RASEF: variants seen among roughly 807,000 people sequenced by gnomAD.
RASEF encodes the protein ras and EF-hand domain-containing protein.
RASEF carries 68 observed loss-of-function variants against 90.1 expected under a neutral mutation model. That is an observed-to-expected ratio of 0.75 (90% CI 0.62 to 0.92). The LOEUF is 0.92. Among genes scored for constraint, RASEF ranks in the 40% least tolerant of loss-of-function variants. The probability of loss-of-function intolerance (pLI) is 0.00; values close to 1 mark genes in which losing one functional copy is unlikely to be tolerated. For synonymous variants in RASEF, 331 were observed against 345.2 expected, an observed-to-expected ratio of 0.96 and a Z score of 0.46; for missense variants, 949 against 937.2, an observed-to-expected ratio of 1.01 and a Z score of -0.16.
At chr9:83,040,601 T>C (rs1012159746) in intron 1 of RASEF, among the ~76,000 whole-genome samples, 2 of 152,228 alleles carry the variant, frequency 1.3e-5, no homozygotes, top group African/African-American at 2.4e-5. Flanking sequence ...TTCTGGAATA[T>C]ATAAGTGCAT....
At position 82,997,009 on chromosome 9, in the gene RASEF, T is replaced by C; in HGVS notation, c.1920+3A>G. On this transcript the variant is annotated splice_donor_region_variant and intron_variant, in intron 14 of 16. Coordinates refer to ENST00000376447, the MANE Select transcript of RASEF (RefSeq NM_152573.4). ...TTTCTGTTTCTCCATTATGATTTCTTACCTCAATCATATCTACCCATTCTC... is the reference window on the plus strand; with the variant it reads ...TTTCTGTTTCTCCATTATGATTTCTCACCTCAATCATATCTACCCATTCTC... 1 of 1,514,524 alleles carries C rather than the reference T, an allele frequency of 6.6e-7. No individual in the cohort carries two copies. 93.8% of individuals were successfully genotyped at this position (1,514,524 alleles called of 1,614,324 possible). A position where few individuals can be genotyped will look rare whatever the true frequency, so the allele number is the denominator to read the frequency against.
the RASEF span, among the ~76,000 whole-genome samples, chr9:83,135,682 T>C: frequency 4.6e-5 from 7 of 152,202 alleles, no homozygotes; most frequent in East Asian, 1.4e-3. Context: ...CACCAGTCAA[T>C]CCATTTGAAA....
chr9:83,153,396 ACATT>A, the RASEF span, among the ~76,000 whole-genome samples: 1 of 152,186 alleles, frequency 6.6e-6, no homozygotes, highest in African/African-American at 2.4e-5. Flanking sequence ...TGTTCCTTGC[ACATT>A]CAAAGGAGCC....
rs908117590 is a variant in RASEF, at chr9:82,980,578, G to A, written c.*2099C>T. ...TCACAGATTGTAAAACAAATATAAA[G>A]AGACACTTTGGAGAGAATAAATAAA... On this transcript the variant is annotated 3_prime_UTR_variant, in exon 17 of 17. Coordinates refer to ENST00000376447, the MANE Select transcript of RASEF (RefSeq NM_152573.4). 3 of 152,116 alleles carry A rather than the reference G, an allele frequency of 2.0e-5. No homozygotes were observed. Among genetic ancestry groups the A allele is most frequent in the African/African-American group, 7.2e-5 (3 of 41,418 alleles). The allele number at this position is 152,116 out of a possible 1,614,324, so 9.4% of individuals were successfully genotyped here. A position where few individuals can be genotyped will look rare whatever the true frequency, so the allele number is the denominator to read the frequency against.
chr9:83,176,619 C>T, the RASEF span, among the ~76,000 whole-genome samples: 1 of 151,758 alleles, frequency 6.6e-6, no homozygotes, highest in East Asian at 1.9e-4. Context: ...TAATTCCTTC[C>T]ATTATTTTCT....
At chr9:83,214,518 T>C in the RASEF span, among the ~76,000 whole-genome samples, 3 of 152,192 alleles carry the variant, frequency 2.0e-5, no homozygotes, top group African/African-American at 7.2e-5. Context: ...TTTAGGTAAA[T>C]GACTCAACCT....
the RASEF span, among the ~76,000 whole-genome samples, chr9:83,145,183 A>G: frequency 2.6e-5 from 4 of 152,154 alleles, no homozygotes; most frequent in African/African-American, 9.7e-5. Flanking sequence ...CTTGTTTAAA[A>G]TACAGACAGG....
intron 1 of RASEF, among the ~76,000 whole-genome samples, chr9:83,026,984 C>A (rs1230263707): frequency 6.6e-6 from 1 of 152,108 alleles, no homozygotes; most frequent in Non-Finnish European, 1.5e-5. Context: ...CACTTCTGAC[C>A]AATCACCTAT....
the RASEF span, among the ~76,000 whole-genome samples, chr9:83,089,941 GAT>G: frequency 7.3e-6 from 1 of 137,130 alleles, no homozygotes; most frequent in Admixed American, 7.3e-5. Flanking sequence ...TAGATAGATA[GAT>G]AGATATAGAT....
chr9:83,056,481 G>GTA (rs1168165537), intron 1 of RASEF, among the ~76,000 whole-genome samples: 1 of 152,208 alleles, frequency 6.6e-6, no homozygotes, highest in Non-Finnish European at 1.5e-5. Context: ...GGCATACTGT[G>GTA]TATACCCTCT....
chr9:82,981,703 C>T lies in RASEF; in HGVS notation c.*974G>A, dbSNP rs912863239. ...AGTTATACAACTATCACCACTATTC[C>T]AATTCCAGAACATTCTCATCATCGC... On this transcript the variant is annotated 3_prime_UTR_variant, in exon 17 of 17. Coordinates refer to ENST00000376447, the MANE Select transcript of RASEF (RefSeq NM_152573.4). The T allele has an allele frequency of 3.9e-5, 6 of 152,112 alleles. No individual in the cohort carries two copies. The highest frequency in any genetic ancestry group is 3.9e-4 in the Admixed American group (6 of 15,268). The allele number at this position is 152,112 out of a possible 1,614,324, so 9.4% of individuals were successfully genotyped here.
chr9:83,057,328 G>A (rs73471435), intron 1 of RASEF, among the ~76,000 whole-genome samples: 1,734 of 152,226 alleles, frequency 0.011, 35 homozygotes, highest in African/African-American at 0.04. Flanking sequence ...TTTGATAAAC[G>A]AATTCAGTTA....
At chr9:83,169,948 A>AT in the RASEF span, among the ~76,000 whole-genome samples, 1 of 151,532 alleles carries the variant, frequency 6.6e-6, no homozygotes. Flanking sequence ...CCCATTTGTC[A>AT]TTTTTTTCTT....
At position 83,012,468 on chromosome 9, in the gene RASEF, G is replaced by A. The variant is rs1829265042; in HGVS notation, c.809C>T (p.Ala270Val). The A allele has an allele frequency of 1.3e-6, 2 of 1,589,826 alleles. No homozygotes were observed. The highest frequency in any genetic ancestry group is 1.8e-5 in the Admixed American group (1 of 56,250). ...ATCATAAATTTGTTTTTTCAATGCAGCCACATCTTCCTTTTGACTTACGCG... is the reference window on the plus strand; with the variant it reads ...ATCATAAATTTGTTTTTTCAATGCAACCACATCTTCCTTTTGACTTACGCG... ...SKRVSQKEDV[A>V]ALKKQIYDLS... Residue 270 changes from alanine (A) to valine (V), a missense_variant, in exon 5 of 17, where the codon GCT (alanine) becomes GTT (valine). Physicochemically the swap from Ala to Val is moderately conservative, Grantham distance 64. Transcript: ENST00000376447.
the RASEF span, among the ~76,000 whole-genome samples, chr9:83,068,235 A>C: frequency 9.8e-5 from 15 of 152,376 alleles, no homozygotes; most frequent in African/African-American, 1.7e-4. Flanking sequence ...AATGGACCTC[A>C]GTTCACTTTT....
At position 83,006,847 on chromosome 9, in the gene RASEF, A is replaced by C. The variant is rs184300930; in HGVS notation, c.1028+590T>G. Among the ~76,000 whole-genome samples the C allele has an allele frequency of 4.7e-3, 723 of 152,288 alleles. 3 individuals are homozygous for C. Among genetic ancestry groups the C allele is most frequent in the African/African-American group, 0.016 (683 of 41,570 alleles). On this transcript the variant is annotated intron_variant, in intron 7 of 16. Coordinates refer to ENST00000376447, the MANE Select transcript of RASEF (RefSeq NM_152573.4). ...GGTGGCTCATGCCTGTCATCCCAGC[A>C]CTTTGGGAGGCCGAGGCGGGAGGAT...
chr9:83,091,379 C>A, the RASEF span, among the ~76,000 whole-genome samples: 1 of 152,020 alleles, frequency 6.6e-6, no homozygotes, highest in African/African-American at 2.4e-5. Flanking sequence ...CATGGTGAAA[C>A]CCCATCTCTA....
At chr9:83,029,262 A>C (rs1829600049) in intron 1 of RASEF, among the ~76,000 whole-genome samples, 2 of 152,192 alleles carry the variant, frequency 1.3e-5, no homozygotes, top group African/African-American at 4.8e-5. Context: ...TGGCAGAAGA[A>C]ATGGGATTCA....
chr9:83,185,842 T>G, the RASEF span, among the ~76,000 whole-genome samples: 1 of 152,090 alleles, frequency 6.6e-6, no homozygotes. Context: ...GCACACTTTC[T>G]CTCAGCTGAA....
Sources: allele counts gnomAD v4.1 joint callset (sites outside exome capture counted in the v4.1 genomes callset), GRCh38; gene constraint gnomAD v4.1.1; transcripts MANE v1.5; gene names NCBI Gene and HGNC (gene_info 2026-07-23, HGNC 2026-07-21).